The following SUMF1 variants were observed in gnomAD, a reference collection of about 807,000 sequenced individuals.
SUMF1 encodes the protein sulfatase modifying factor 1.
Under a neutral mutation model 47.6 loss-of-function variants are expected in SUMF1, and 48 were observed. The observed-to-expected ratio is 1.01, with a 90% CI of 0.80 to 1.28. The LOEUF (loss-of-function observed/expected upper bound fraction) is 1.28, where lower values mean the gene tolerates loss of function less well. Ranked by LOEUF, SUMF1 falls within the 50% of genes most tolerant of loss-of-function variation. SUMF1 has a pLI of 0.00. For synonymous variants in SUMF1, 230 were observed against 192.1 expected (o/e 1.20, Z -1.63); for missense variants, 571 against 485.4 (o/e 1.18, Z -1.66).
chr3:4,066,319 T>C (rs542703854), intron 9 of SUMF1, among the ~76,000 whole-genome samples: 4 of 152,232 alleles, frequency 2.6e-5, no homozygotes, highest in African/African-American at 9.6e-5. Context: ...ACGATCTTTT[T>C]TCATGAAAAT....
chr3:4,174,897 G>A (rs780478817), intron 8 of SUMF1, among the ~76,000 whole-genome samples: 4 of 152,098 alleles, frequency 2.6e-5, no homozygotes, highest in Admixed American at 1.3e-4. Context: ...TGCCTGGCTC[G>A]GCAGCTCCCA....
At chr3:4,391,749 T>C (rs1332516407) in intron 7 of SUMF1, among the ~76,000 whole-genome samples, 2 of 152,188 alleles carry the variant, frequency 1.3e-5, no homozygotes, top group African/African-American at 2.4e-5. Flanking sequence ...TCCAAAAGTA[T>C]TGGGATTACA....
chr3:4,290,646 G>A (rs914646232), intron 8 of SUMF1, among the ~76,000 whole-genome samples: 1 of 152,042 alleles, frequency 6.6e-6, no homozygotes, highest in African/African-American at 2.4e-5. Flanking sequence ...CCCCCTCATA[G>A]AACCTTCTAA....
At chr3:4,034,565 C>T (rs1694758485) in intron 9 of SUMF1, among the ~76,000 whole-genome samples, 1 of 151,996 alleles carries the variant, frequency 6.6e-6, no homozygotes, top group Non-Finnish European at 1.5e-5. Flanking sequence ...TTGCAGAAGC[C>T]CAGAATCTGC....
At chr3:4,110,507 G>A (rs1469088144) in intron 8 of SUMF1, among the ~76,000 whole-genome samples, 1 of 151,960 alleles carries the variant, frequency 6.6e-6, no homozygotes, top group African/African-American at 2.4e-5. Context: ...ATACCCAAAG[G>A]ATTATAAATC....
At chr3:4,061,617 G>A (rs916544385) in intron 9 of SUMF1, among the ~76,000 whole-genome samples, 3 of 152,100 alleles carry the variant, frequency 2.0e-5, no homozygotes, top group Admixed American at 6.6e-5. Context: ...GGCTTTCTAT[G>A]CAGGGAGCAG....
At chr3:4,269,647 T>C (rs1433123702) in intron 8 of SUMF1, among the ~76,000 whole-genome samples, 1 of 152,156 alleles carries the variant, frequency 6.6e-6, no homozygotes, top group East Asian at 1.9e-4. Flanking sequence ...GGTGAGTTGT[T>C]ATCCTGATAA....
intron 8 of SUMF1, among the ~76,000 whole-genome samples, chr3:4,077,071 G>T (rs1692455349): frequency 6.6e-6 from 1 of 152,046 alleles, no homozygotes; most frequent in African/African-American, 2.4e-5. Flanking sequence ...ATCATCACTG[G>T]TCATTAGAGA....
intron 8 of SUMF1, among the ~76,000 whole-genome samples, chr3:4,280,814 C>CGTGTGTGTGT (rs56919301): frequency 6.2e-4 from 85 of 138,120 alleles, no homozygotes; most frequent in Middle Eastern, 3.7e-3. Context: ...TGGCATTCAC[C>CGTGTGTGTGT]GTGTGTGTGT....
rs78640446 is a variant in SUMF1, at chr3:4,318,137, C to A, written c.1014+58193G>T. On this transcript the variant is annotated intron_variant and NMD_transcript_variant, in intron 8 of 12. Coordinates refer to the SUMF1 transcript ENST00000448413. ...GTTAAAGAAGACATGGATACCATAA[C>A]CAAAGACATTACTAGGAAAGAAAAC... is the stretch of plus-strand genomic sequence containing the variant. Among the ~76,000 whole-genome samples, 1,172 of 151,746 alleles carry A rather than the reference C, an allele frequency of 7.7e-3. 13 individuals carry two copies. Among genetic ancestry groups the A allele is most frequent in the African/African-American group, 0.027 (1,115 of 41,352 alleles).
At chr3:4,133,044 T>C (rs896949357) in intron 8 of SUMF1, among the ~76,000 whole-genome samples, 2 of 152,140 alleles carry the variant, frequency 1.3e-5, no homozygotes, top group Non-Finnish European at 2.9e-5. Context: ...AGAATGGGTA[T>C]TGGAATAACG....
chr3:4,370,570 G>A (rs1319764162), intron 8 of SUMF1, among the ~76,000 whole-genome samples: 1 of 152,024 alleles, frequency 6.6e-6, no homozygotes, highest in Non-Finnish European at 1.5e-5. Context: ...ATGAACTGTT[G>A]GGATCTGCCC....
intron 3 of SUMF1, among the ~76,000 whole-genome samples, chr3:4,432,938 G>A (rs1702281937): frequency 6.6e-6 from 1 of 152,150 alleles, no homozygotes; most frequent in Non-Finnish European, 1.5e-5. Flanking sequence ...ACCCCTGGGT[G>A]ACCCTCTTCC....
intron 9 of SUMF1, among the ~76,000 whole-genome samples, chr3:4,049,438 AAC>A (rs543284711): frequency 1.4e-4 from 22 of 152,284 alleles, no homozygotes; most frequent in Middle Eastern, 3.4e-3. Flanking sequence ...CCACCACCAC[AAC>A]AGACTGCGTA....
intron 7 of SUMF1, among the ~76,000 whole-genome samples, chr3:4,392,071 A>C (rs1700885900): frequency 6.6e-6 from 1 of 151,132 alleles, no homozygotes; most frequent in African/African-American, 2.4e-5. Flanking sequence ...CAAGCGATCC[A>C]CTCGCCTCAG....
At chr3:4,092,914 C>T (rs1422272128) in intron 8 of SUMF1, among the ~76,000 whole-genome samples, 1 of 151,834 alleles carries the variant, frequency 6.6e-6, no homozygotes, top group Non-Finnish European at 1.5e-5. Context: ...TTGGTGTGTG[C>T]CTTACAATAT....
At chr3:4,161,137 C>T (rs1694566985) in intron 8 of SUMF1, among the ~76,000 whole-genome samples, 1 of 152,170 alleles carries the variant, frequency 6.6e-6, no homozygotes, top group Non-Finnish European at 1.5e-5. Context: ...GATTACCAGA[C>T]AGAGACTCTT....
chr3:4,432,940 C>A (rs1265939285), intron 3 of SUMF1, among the ~76,000 whole-genome samples: 3 of 152,182 alleles, frequency 2.0e-5, no homozygotes, highest in African/African-American at 7.2e-5. Flanking sequence ...CCCTGGGTGA[C>A]CCTCTTCCGC....
chr3:4,453,505 T>C (rs577919002), intron 1 of SUMF1, among the ~76,000 whole-genome samples: 1 of 151,006 alleles, frequency 6.6e-6, no homozygotes, highest in Non-Finnish European at 1.5e-5. Context: ...ACAGCTGGAG[T>C]ACAGACATGT....
Sources: gnomAD v4.1 joint callset for allele counts (sites outside exome capture counted in the v4.1 genomes callset) on GRCh38, gnomAD v4.1.1 for gene constraint, MANE v1.5 for transcripts, NCBI Gene and HGNC (gene_info 2026-07-23, HGNC 2026-07-21) for gene names.